REV3L: variants seen among roughly 807,000 people sequenced by gnomAD.
REV3L encodes the protein REV3 like, DNA directed polymerase zeta catalytic subunit.
In REV3L, 69 loss-of-function variants were observed where a neutral mutation model predicts 299.4. The observed-to-expected ratio is 0.23, with a 90% CI of 0.19 to 0.28. The LOEUF (loss-of-function observed/expected upper bound fraction) is 0.28. Ranked by LOEUF, REV3L falls within the 10% of genes least tolerant of loss-of-function variation. The pLI, the probability that REV3L is intolerant of heterozygous loss-of-function variation, is 1.00. For missense variants in REV3L, 3,128 were observed against 3,693.8 expected (o/e 0.85, Z 3.97); for synonymous variants, 1,238 against 1,271.4 (o/e 0.97, Z 0.56).
In REV3L at chr6:111,351,718, C is replaced by A. The variant is rs970904051; in HGVS notation, c.7258G>T (p.Ala2420Ser). 6.2e-7 allele frequency: 1 copy of A among 1,613,676 alleles called. No homozygotes were observed. Among genetic ancestry groups the A allele is most frequent in the Non-Finnish European group, 8.5e-7 (1 of 1,179,744 alleles). The stretch of plus-strand genomic sequence containing the variant: ...ATCCGACATAAGTCAATACTTAAAG[C>A]GGCAGCCCTTTGTAAGAGGTAACCC... ...SWGYLLQRAA[A>S]LSIDLCRMIS... Residue 2420 changes from alanine (A) to serine (S), a missense_variant, in exon 19 of 32, where the codon GCT becomes TCT. Physicochemically the swap from Ala to Ser is moderately conservative, Grantham distance 99. Around this residue, in one of 9 missense-constraint regions of REV3L, gnomAD observed 50 missense variants for 48.2 expected, o/e 1.04. Transcript: ENST00000368802.
chr6:111,305,719 CAT>C (rs768717034), intron 31 of REV3L, among the ~76,000 whole-genome samples: 19 of 152,004 alleles, frequency 1.2e-4, no homozygotes, highest in Non-Finnish European at 1.5e-4. Context: ...GCAGAAAAAA[CAT>C]AAGAAAGTCT....
At position 111,343,882 on chromosome 6, in the gene REV3L, A is replaced by G. The variant is rs746924958; in HGVS notation, c.7538+43T>C. ...TTTATTACATATAAATTACATCTCA[A>G]TGATGATTTTATATTACCTTCTTCA... is the stretch of plus-strand genomic sequence containing the variant. On this transcript the variant is annotated intron_variant, in intron 21 of 31. Coordinates refer to ENST00000368802, the MANE Select transcript of REV3L (RefSeq NM_001372078.1). 4 of 1,280,090 alleles carry G rather than the reference A, an allele frequency of 3.1e-6. No homozygotes were observed. In the South Asian group the frequency reaches 5.3e-5, roughly 17 times the overall value. The allele number at this position is 1,280,090 out of a possible 1,614,324, so 79.3% of individuals were successfully genotyped here.
At chr6:111,392,203 A>G in intron 5 of REV3L, among the ~76,000 whole-genome samples, 1 of 152,250 alleles carries the variant, frequency 6.6e-6, no homozygotes, top group East Asian at 1.9e-4. Flanking sequence ...ATAATCTCAC[A>G]GTAGAAATTT....
chr6:111,417,610 C>G (rs1182451064), intron 1 of REV3L, among the ~76,000 whole-genome samples: 2 of 152,154 alleles, frequency 1.3e-5, no homozygotes, highest in African/African-American at 2.4e-5. Context: ...TGTTTGATCA[C>G]TATTTCCCAT....
chr6:111,414,660 A>C (rs1179864349), intron 2 of REV3L, among the ~76,000 whole-genome samples: 2 of 152,188 alleles, frequency 1.3e-5, no homozygotes, highest in Non-Finnish European at 2.9e-5. Flanking sequence ...ATATGGACAT[A>C]AAACAACTCA....
chr6:111,343,085 A>G (rs1027282338), intron 21 of REV3L, among the ~76,000 whole-genome samples: 3 of 152,236 alleles, frequency 2.0e-5, no homozygotes, highest in African/African-American at 7.2e-5. Flanking sequence ...TCTACTCCTA[A>G]GAGATATGAA....
At chr6:111,318,423 C>T (rs574723883) in intron 26 of REV3L, among the ~76,000 whole-genome samples, 7 of 152,160 alleles carry the variant, frequency 4.6e-5, no homozygotes, top group South Asian at 2.1e-4. Context: ...TGACCGTGCC[C>T]GGCCAGGTTT....
chr6:111,373,856 A>C lies in REV3L; in HGVS notation c.4499T>G (p.Ile1500Ser), dbSNP rs1398557927. The C allele has an allele frequency of 6.2e-7, 1 of 1,613,970 alleles. No individual in the cohort carries two copies. Among genetic ancestry groups the C allele is most frequent in the East Asian group, 2.2e-5 (1 of 44,886 alleles). Residue 1500 changes from isoleucine (I) to serine (S), a missense_variant, in exon 13 of 32, where the codon ATT becomes AGT. Ile to Ser is a moderately radical substitution (Grantham distance 142). This residue lies in a region of REV3L where 2,409 missense variants were observed against 2,611.8 expected (regional missense o/e 0.92). Coordinates refer to ENST00000368802, the MANE Select transcript of REV3L (RefSeq NM_001372078.1). ...CTGAGAAAGTGCTTTGGTTTGTGAA[A>C]TTGCTTCTGATAACGACCTCGGTTT... is the stretch of plus-strand genomic sequence containing the variant. ...RVKPRSLSEA[I>S]SQTKALSQCK...
chr6:111,476,313 G>A (rs1792934445), intron 1 of REV3L, among the ~76,000 whole-genome samples: 1 of 152,066 alleles, frequency 6.6e-6, no homozygotes, highest in Non-Finnish European at 1.5e-5. Flanking sequence ...GTACCACCCT[G>A]CCTGGCTAAC....
intron 31 of REV3L, among the ~76,000 whole-genome samples, chr6:111,300,973 G>A (rs1278304085): frequency 6.6e-6 from 1 of 152,200 alleles, no homozygotes; most frequent in Non-Finnish European, 1.5e-5. Flanking sequence ...GCAGAACAGA[G>A]TCATATTTCT....
intron 5 of REV3L, among the ~76,000 whole-genome samples, 164 bp from the exon 6 acceptor site, chr6:111,390,344 G>GA: frequency 6.6e-6 from 1 of 152,016 alleles, no homozygotes; most frequent in Non-Finnish European, 1.5e-5. Flanking sequence ...TATATATAAT[G>GA]AAAAATAGGA....
chr6:111,389,197 T>C lies in REV3L; in HGVS notation c.771A>G (p.Gly257=). The change falls in exon 7 of 32, where the codon GGA becomes GGG. Residue 257 remains glycine, a synonymous_variant. Coordinates refer to ENST00000368802, the MANE Select transcript of REV3L (RefSeq NM_001372078.1). ...NRLDIEAQIG[G]NPGLQAIWED... ...CCCATATGGCCTGTAGACCAGGGTT[T>C]CCACCAATTTGAGCTGTAATCACAA... The C allele has an allele frequency of 6.2e-7, 1 of 1,613,618 alleles. No homozygotes were observed. Among genetic ancestry groups the C allele is most frequent in the Non-Finnish European group, 8.5e-7 (1 of 1,179,692 alleles).
intron 1 of REV3L, among the ~76,000 whole-genome samples, chr6:111,432,735 T>G (rs1787089019): frequency 6.6e-6 from 1 of 152,192 alleles, no homozygotes; most frequent in South Asian, 2.1e-4. Context: ...TACCCATGGC[T>G]GCAGAAAACA....
Position 111,335,613 on chromosome 6 carries a change from G to A in REV3L, c.7539-3C>T. On this transcript the variant is annotated splice_polypyrimidine_tract_variant and splice_region_variant and intron_variant, in intron 21 of 31. Transcript: ENST00000368802. ...CATAATGATCAACCATTTTCCATCT[G>A]TTAAAAAAGAATCCACATTATGAAC... 4.4e-6 allele frequency: 7 copies of A among 1,602,344 alleles called. No homozygotes were observed. Among genetic ancestry groups the A allele is most frequent in the Non-Finnish European group, 6.0e-6 (7 of 1,175,542 alleles).
chr6:111,328,655 T>C (rs1288923619), intron 25 of REV3L, among the ~76,000 whole-genome samples: 1 of 152,148 alleles, frequency 6.6e-6, no homozygotes, highest in South Asian at 2.1e-4. Flanking sequence ...AGAATATATA[T>C]ATATTTAGGC....
intron 1 of REV3L, among the ~76,000 whole-genome samples, chr6:111,444,069 T>C (rs1228040939): frequency 2.6e-5 from 4 of 152,200 alleles, no homozygotes; most frequent in African/African-American, 9.7e-5. Context: ...TAACAAAGTG[T>C]GTATAGCAAT....
chr6:111,422,073 A>G (rs1316676203), intron 1 of REV3L, among the ~76,000 whole-genome samples: 1 of 152,334 alleles, frequency 6.6e-6, no homozygotes, highest in East Asian at 1.9e-4. Context: ...GATTTTCAGA[A>G]TTTATCTTAC....
At chr6:111,366,458 C>G (rs982299018) in intron 14 of REV3L, among the ~76,000 whole-genome samples, 7 of 151,732 alleles carry the variant, frequency 4.6e-5, no homozygotes, top group African/African-American at 1.7e-4. Context: ...ATTTAGATAA[C>G]AACTGAGAAT....
At chr6:111,352,167 C>CG (rs1447356769) in intron 18 of REV3L, among the ~76,000 whole-genome samples, 2 of 151,850 alleles carry the variant, frequency 1.3e-5, no homozygotes, top group Non-Finnish European at 2.9e-5. Flanking sequence ...ACACCACGCC[C>CG]GGCTAATTTT....
Sources: allele counts gnomAD v4.1 joint callset (sites outside exome capture counted in the v4.1 genomes callset), GRCh38; gene constraint gnomAD v4.1.1; regional missense constraint gnomAD v4.1.1; transcripts MANE v1.5; gene names NCBI Gene and HGNC (gene_info 2026-07-23, HGNC 2026-07-21).